Variants in MARVELD3 observed in about 807,000 individuals in gnomAD.
MARVELD3 encodes MARVEL domain containing 3, also known as MARVEL domain-containing protein 3.
In MARVELD3, 28 loss-of-function variants were observed where a neutral mutation model predicts 33.5. The observed-to-expected ratio is 0.84, with a 90% CI of 0.62 to 1.15. MARVELD3 has a LOEUF of 1.15. Ranked by LOEUF, MARVELD3 falls within the 50% of genes most tolerant of loss-of-function variation. MARVELD3 has a pLI of 0.00. For missense variants in MARVELD3, 582 were observed against 547.6 expected (o/e 1.06, Z -0.63); for synonymous variants, 241 against 230.4 (o/e 1.05, Z -0.42).
At chr16:71,628,947 G>A (rs2044501308) in intron 1 of MARVELD3, 1 of 159,076 alleles carries the variant, frequency 6.3e-6, no homozygotes, top group South Asian at 2.0e-4. Flanking sequence ...CATGCTCCTG[G>A]AGAGTTATTG....
chr16:71,635,508 G>A lies in MARVELD3; in HGVS notation c.*705G>A, dbSNP rs1458794430. ...TGTAATCCCAGAGCTTTGGGAGGCT[G>A]AGGTAGGAGGATTGCTTGAACCCAG... On this transcript the variant is annotated 3_prime_UTR_variant, in exon 3 of 3. Transcript: ENST00000268485. 3.0e-6 allele frequency: 3 copies of A among 984,384 alleles called. No homozygotes were observed. Among genetic ancestry groups the A allele is most frequent in the Admixed American group, 6.2e-5 (1 of 16,220 alleles). The allele number at this position is 984,384 out of a possible 1,614,324, so 61.0% of individuals were successfully genotyped here. A position where few individuals can be genotyped will look rare whatever the true frequency, so the allele number is the denominator to read the frequency against.
At chr16:71,633,460 C>G (rs1438653906) in intron 2 of MARVELD3, among the ~76,000 whole-genome samples, 2 of 152,158 alleles carry the variant, frequency 1.3e-5, no homozygotes, top group Non-Finnish European at 2.9e-5. Context: ...GTGGCGCGAT[C>G]TCAGTTCACT....
intron 2 of MARVELD3, among the ~76,000 whole-genome samples, chr16:71,632,770 C>T (rs1006918344): frequency 9.9e-5 from 15 of 151,972 alleles, no homozygotes; most frequent in African/African-American, 3.6e-4. Context: ...CACCACCACA[C>T]CTGGCTAATT....
downstream of MARVELD3, chr16:71,640,257 A>G: frequency 2.0e-6 from 2 of 988,118 alleles, no homozygotes; most frequent in Non-Finnish European, 3.0e-6. Context: ...ACAGAGTGAC[A>G]CCGTCTCAAA....
At chr16:71,628,654 G>T (rs2044498192) in intron 1 of MARVELD3, among the ~76,000 whole-genome samples, 1 of 151,994 alleles carries the variant, frequency 6.6e-6, no homozygotes, top group South Asian at 2.1e-4. Context: ...AGGGGAAGGG[G>T]GTAGTTCAGT....
Position 71,635,549 on chromosome 16 carries a change from G to A in MARVELD3, c.*746G>A. 1.0e-6 allele frequency: 1 copy of A among 982,754 alleles called. No homozygotes were observed. The highest frequency in any genetic ancestry group is 1.2e-6 in the Non-Finnish European group (1 of 827,858). 60.9% of individuals were successfully genotyped at this position (982,754 alleles called of 1,614,324 possible). Reference sequence around the variant, plus strand: ...TTGAACCCAGGAGTTCAAGTTTGCAGTGCGCTATGATTGTCCCACTACACT... The same window carrying A: ...TTGAACCCAGGAGTTCAAGTTTGCAATGCGCTATGATTGTCCCACTACACT... On this transcript the variant is annotated 3_prime_UTR_variant, in exon 3 of 3. Transcript: ENST00000268485.
chr16:71,629,629 G>T (rs62053104), intron 2 of MARVELD3, 135 bp downstream of exon 2: 23,170 of 499,730 alleles, frequency 0.046, 709 homozygotes, highest in East Asian at 0.089. Flanking sequence ...TACTTGTGAG[G>T]TTCTTGTTTT....
chr16:71,626,301 C>G lies in MARVELD3; in HGVS notation c.72C>G (p.His24Gln). The G allele has an allele frequency of 6.5e-7, 1 of 1,547,552 alleles. No homozygotes were observed. The highest frequency in any genetic ancestry group is 8.7e-7 in the Non-Finnish European group (1 of 1,146,088). Residue 24 changes from histidine to glutamine, a missense_variant, in exon 1 of 3, where the codon CAC becomes CAG. By Grantham distance (24) the His-to-Gln change is conservative. Coordinates refer to ENST00000268485, the MANE Select transcript of MARVELD3 (RefSeq NM_052858.6). This position sits in a 1 kb window ranked among gnomAD's most constrained non-coding sequence, Gnocchi z 5.3. ...PRERDPGRRP[H>Q]PDQGRTHDRP... ...AGCGGGACCCGGGACGGCGCCCCCA[C>G]CCAGACCAAGGCCGCACCCACGATC...
rs767468381 is a variant in MARVELD3 at position 71,634,614 on chromosome 16, G to A, written c.1017G>A (p.Glu339=). The A allele has an allele frequency of 3.1e-6, 5 of 1,614,086 alleles. No individual in the cohort carries two copies. Among genetic ancestry groups the A allele is most frequent in the Non-Finnish European group, 4.2e-6 (5 of 1,180,052 alleles). The change falls in exon 3 of 3, where the codon GAG becomes GAA. Residue 339 remains glutamate, a synonymous_variant. Coordinates refer to ENST00000268485, the MANE Select transcript of MARVELD3 (RefSeq NM_052858.6). ...CCTATGGCTCTCCTGTGTGTAAAGA[G>A]AGGCAGGCGCTGTACCAAAGCAAAG... ...SAAYGSPVCK[E]RQALYQSKGY...
At chr16:71,630,116 G>C (rs1033064671) in intron 2 of MARVELD3, among the ~76,000 whole-genome samples, 4 of 151,452 alleles carry the variant, frequency 2.6e-5, no homozygotes, top group Non-Finnish European at 4.4e-5. Context: ...GGCTGGCGTA[G>C]TGGCTTACGC....
chr16:71,626,237 A>T lies in MARVELD3; in HGVS notation c.8A>T (p.Asp3Val). 1 of 1,491,654 alleles carries T rather than the reference A, an allele frequency of 6.7e-7. No individual in the cohort carries two copies. The highest frequency in any genetic ancestry group is 8.9e-7 in the Non-Finnish European group (1 of 1,123,842). 92.4% of individuals were successfully genotyped at this position (1,491,654 alleles called of 1,614,324 possible). A position where few individuals can be genotyped will look rare whatever the true frequency, so the allele number is the denominator to read the frequency against. The change falls in exon 1 of 3, where the codon GAT becomes GTT. Residue 3 changes from aspartate (D) to valine (V), a missense_variant. Transcript: ENST00000268485. This position sits in a 1 kb window ranked among gnomAD's most constrained non-coding sequence, Gnocchi z 5.3. ...GGGACACGGAACCCGGCCATGGAAG[A>T]TCCGTCGGGGGCTCGCGAGCCCCGG... ME[D>V]PSGAREPRAR...
At chr16:71,633,428 G>A (rs73576285) in intron 2 of MARVELD3, among the ~76,000 whole-genome samples, 331 of 152,216 alleles carry the variant, frequency 2.2e-3, no homozygotes, top group African/African-American at 7.1e-3. Context: ...TTGAGACGGA[G>A]TGTCGCCCAG....
At position 71,630,096 on chromosome 16, in the gene MARVELD3, A is replaced by G. The variant is rs577334705; in HGVS notation, c.595+602A>G. Among the ~76,000 whole-genome samples, 83 of 150,810 alleles carry G rather than the reference A, an allele frequency of 5.5e-4. 1 individual carries two copies. Among genetic ancestry groups the G allele is most frequent in the African/African-American group, 6.1e-4 (25 of 41,234 alleles). The stretch of plus-strand genomic sequence containing the variant: ...ATCTCTAGTTTAAAAAAAAAAAAAA[A>G]AGGGAAAAAGGCTGGCGTAGTGGCT... On this transcript the variant is annotated intron_variant, in intron 2 of 2. Coordinates refer to ENST00000268485, the MANE Select transcript of MARVELD3 (RefSeq NM_052858.6).
rs1243529709 is a variant in MARVELD3, at chr16:71,635,256, G to A, written c.*453G>A. 1 of 885,440 alleles carries A rather than the reference G, an allele frequency of 1.1e-6. No homozygotes were observed. Among genetic ancestry groups the A allele is most frequent in the Non-Finnish European group, 1.4e-6 (1 of 739,182 alleles). The allele number at this position is 885,440 out of a possible 1,614,324, so 54.8% of individuals were successfully genotyped here. A position where few individuals can be genotyped will look rare whatever the true frequency, so the allele number is the denominator to read the frequency against. ...AGGCAGGAGAATCGCTTGAATCTGG[G>A]AGGCGGAGATTGCAGTGAGCCGAGA... On this transcript the variant is annotated 3_prime_UTR_variant, in exon 3 of 3. Transcript: ENST00000268485.
intron 1 of MARVELD3, among the ~76,000 whole-genome samples, chr16:71,627,046 A>C (rs1227942006): frequency 6.6e-6 from 1 of 152,148 alleles, no homozygotes; most frequent in Non-Finnish European, 1.5e-5. Context: ...CCCGGCCCGC[A>C]TGGTCACAGG....
At position 71,634,913 on chromosome 16, in the gene MARVELD3, G is replaced by A. The variant is rs1431015690; in HGVS notation, c.*110G>A. The A allele has an allele frequency of 5.3e-5, 78 of 1,484,464 alleles. 1 individual carries two copies. The highest frequency in any genetic ancestry group is 7.1e-5 in the East Asian group (3 of 42,188). The allele number at this position is 1,484,464 out of a possible 1,614,324, so 92.0% of individuals were successfully genotyped here. On this transcript the variant is annotated 3_prime_UTR_variant, in exon 3 of 3. Transcript: ENST00000268485. ...AAGTTTCCAGTGCTGGAAAAGCAGC[G>A]AGCCAGCGTTGGTGTGGTGGGCGGA...
intron 2 of MARVELD3, 54 bp downstream of exon 2, chr16:71,629,548 G>A: frequency 6.6e-7 from 1 of 1,519,610 alleles, no homozygotes; most frequent in South Asian, 1.3e-5. Flanking sequence ...GGTTCTGGAA[G>A]GGATGGTCTG....
downstream of MARVELD3, chr16:71,638,829 C>G (rs1460983870): frequency 6.6e-6 from 1 of 152,120 alleles, no homozygotes; most frequent in African/African-American, 2.4e-5. Context: ...GCCGTTTTAT[C>G]TCATGTGTAG....
chr16:71,626,644 GAGCCGCCGC>G lies in MARVELD3; in HGVS notation c.422_430del (p.Pro141_Pro143del). The stretch of plus-strand genomic sequence containing the variant: ...TGGGCCCGCGCCCTGGGAAGCCCCG[GAGCCGCCGC>G]AGCCGCAGAGGAAGGGAGACCCCGG... On this transcript the variant is annotated inframe_deletion, in exon 1 of 3. Transcript: ENST00000268485. This position sits in a 1 kb window ranked among gnomAD's most constrained non-coding sequence, Gnocchi z 5.3. The G allele has an allele frequency of 6.5e-7, 1 of 1,535,056 alleles. No individual in the cohort carries two copies. The highest frequency in any genetic ancestry group is 8.7e-7 in the Non-Finnish European group (1 of 1,143,804).
Sources: allele counts gnomAD v4.1 joint callset (sites outside exome capture counted in the v4.1 genomes callset), GRCh38; gene constraint gnomAD v4.1.1; non-coding constraint Gnocchi (gnomAD v3.1); transcripts MANE v1.5; gene names NCBI Gene and HGNC (gene_info 2026-07-23, HGNC 2026-07-21).